The following CSRNP3 variants were observed in gnomAD, a reference collection of about 807,000 sequenced individuals.
CSRNP3 encodes cysteine and serine rich nuclear protein 3.
CSRNP3 carries 12 observed loss-of-function variants against 48.0 expected under a neutral mutation model. That is an observed-to-expected ratio of 0.25 (90% CI 0.16 to 0.41). The LOEUF (loss-of-function observed/expected upper bound fraction) is 0.41. Ranked by LOEUF, CSRNP3 falls within the 10% of genes least tolerant of loss-of-function variation. The probability of loss-of-function intolerance (pLI) is 1.00; values close to 1 mark genes in which losing one functional copy is unlikely to be tolerated. For synonymous variants in CSRNP3, 263 were observed against 269.7 expected (o/e 0.98, Z 0.24); for missense variants, 580 against 724.4 (o/e 0.80, Z 2.29).
At chr2:165,485,357 T>C (rs371002837) in intron 1 of CSRNP3, among the ~76,000 whole-genome samples, 1 of 152,190 alleles carries the variant, frequency 6.6e-6, no homozygotes. Flanking sequence ...AACACCTATA[T>C]AGTGCAACAA....
At chr2:165,548,720 A>G (rs1162804082) in intron 3 of CSRNP3, among the ~76,000 whole-genome samples, 2 of 152,034 alleles carry the variant, frequency 1.3e-5, no homozygotes, top group African/African-American at 2.4e-5. Context: ...AAGAGCAAGT[A>G]CCTAAAATCT....
At chr2:165,580,395 A>T (rs773772486) in intron 3 of CSRNP3, among the ~76,000 whole-genome samples, 2 of 152,206 alleles carry the variant, frequency 1.3e-5, no homozygotes. Flanking sequence ...TTCAGGCTTA[A>T]CAACTATTGT....
rs1377971966 is a variant in CSRNP3, at chr2:165,686,447, C to A, written c.*6694C>A. The A allele has an allele frequency of 6.6e-6, 1 of 151,978 alleles. No individual in the cohort carries two copies. Among genetic ancestry groups the A allele is most frequent in the African/African-American group, 2.4e-5 (1 of 41,408 alleles). 9.4% of individuals were successfully genotyped at this position (151,978 alleles called of 1,614,324 possible). A position where few individuals can be genotyped will look rare whatever the true frequency, so the allele number is the denominator to read the frequency against. On this transcript the variant is annotated 3_prime_UTR_variant, in exon 7 of 7. Coordinates refer to ENST00000651982, the MANE Select transcript of CSRNP3 (RefSeq NM_001172173.2). ...TTTTCCTTAGCCATTAAAAAAGCCACCCCTCTTTAAAACAAATTTAAAGAT... is the reference window on the plus strand; with the variant it reads ...TTTTCCTTAGCCATTAAAAAAGCCAACCCTCTTTAAAACAAATTTAAAGAT...
At position 165,653,665 on chromosome 2, in the gene CSRNP3, A is replaced by T. The variant is rs529817906; in HGVS notation, c.149-4096A>T. On this transcript the variant is annotated intron_variant, in intron 4 of 6. Coordinates refer to ENST00000651982, the MANE Select transcript of CSRNP3 (RefSeq NM_001172173.2). ...TGAGAGTGCCACCAATTGTCTAAAAAGTAAGTACTAAAATTACCAGAGGTG... is the reference window on the plus strand; with the variant it reads ...TGAGAGTGCCACCAATTGTCTAAAATGTAAGTACTAAAATTACCAGAGGTG... 3.3e-5 allele frequency among the ~76,000 whole-genome samples: 5 copies of T among 152,174 alleles called. 1 individual carries two copies. The East Asian group carries it at 9.6e-4, about 29-fold the overall frequency.
At chr2:165,675,559 TGTGTATGTGAGACC>T (rs1224752286) in intron 5 of CSRNP3, among the ~76,000 whole-genome samples, 2 of 152,212 alleles carry the variant, frequency 1.3e-5, no homozygotes, top group Non-Finnish European at 2.9e-5. Context: ...AGACTAATCA[TGTGTATGTGAGACC>T]GTTTCCACAT....
chr2:165,537,628 C>T (rs1442225075), intron 3 of CSRNP3, among the ~76,000 whole-genome samples: 3 of 151,544 alleles, frequency 2.0e-5, no homozygotes, highest in Non-Finnish European at 4.4e-5. Flanking sequence ...AGAGAGCTCA[C>T]AATTTTTTTA....
At chr2:165,516,712 A>T (rs1684587475) in intron 2 of CSRNP3, among the ~76,000 whole-genome samples, 1 of 151,940 alleles carries the variant, frequency 6.6e-6, no homozygotes, top group African/African-American at 2.4e-5. Flanking sequence ...TGACTCAATA[A>T]CCTCTATTAG....
rs1049618968 is a variant in CSRNP3 at position 165,686,146 on chromosome 2, T to C, written c.*6393T>C. On this transcript the variant is annotated 3_prime_UTR_variant, in exon 7 of 7. Transcript: ENST00000651982. ...TCTTGGGATTATCTTAAAAGGTATT[T>C]ATTAATGAGTATTTGGAAGAAAATT... 6.6e-6 allele frequency: 1 copy of C among 152,082 alleles called. No homozygotes were observed. The highest frequency in any genetic ancestry group is 2.4e-5 in the African/African-American group (1 of 41,442). 9.4% of individuals were successfully genotyped at this position (152,082 alleles called of 1,614,324 possible). A position where few individuals can be genotyped will look rare whatever the true frequency, so the allele number is the denominator to read the frequency against.
chr2:165,499,251 G>A (rs10497262), intron 2 of CSRNP3, among the ~76,000 whole-genome samples: 32,752 of 152,114 alleles, frequency 0.22, 3,887 homozygotes, highest in East Asian at 0.35. Flanking sequence ...TTATGACGGT[G>A]ATGATGAAAT....
At chr2:165,656,495 T>C (rs2105345979) in intron 4 of CSRNP3, among the ~76,000 whole-genome samples, 1 of 152,264 alleles carries the variant, frequency 6.6e-6, no homozygotes, top group South Asian at 2.1e-4. Context: ...CATACATATA[T>C]CAAAGCATCA....
In CSRNP3 at chr2:165,660,920, A is replaced by G. The variant is rs1032131879; in HGVS notation, c.408+2900A>G. Among the ~76,000 whole-genome samples, 11 of 152,186 alleles carry G rather than the reference A, an allele frequency of 7.2e-5. No homozygotes were observed. The East Asian group carries it at 1.3e-3, about 19-fold the overall frequency. ...GATAATGACATTTTGAGATGATCCAATCTTAACCTCACTGTGCTTAAAGTA... is the reference window on the plus strand; with the variant it reads ...GATAATGACATTTTGAGATGATCCAGTCTTAACCTCACTGTGCTTAAAGTA... On this transcript the variant is annotated intron_variant, in intron 5 of 6. Transcript: ENST00000651982.
chr2:165,639,003 TTTTG>T (rs898279064), intron 4 of CSRNP3, among the ~76,000 whole-genome samples: 32 of 152,338 alleles, frequency 2.1e-4, no homozygotes, highest in African/African-American at 7.5e-4. Flanking sequence ...CATAATCTTG[TTTTG>T]TTTGTTTCCG....
chr2:165,651,133 A>G (rs1363664191), intron 4 of CSRNP3, among the ~76,000 whole-genome samples: 3 of 152,216 alleles, frequency 2.0e-5, no homozygotes, highest in African/African-American at 7.2e-5. Context: ...CTGGTCTTCA[A>G]TTTTACAGGC....
chr2:165,667,587 C>T (rs926011944), intron 5 of CSRNP3, among the ~76,000 whole-genome samples: 4 of 152,196 alleles, frequency 2.6e-5, no homozygotes, highest in Non-Finnish European at 5.9e-5. Context: ...GGAGATTCTT[C>T]CATAAAACAG....
chr2:165,513,640 A>G (rs1264220700), intron 2 of CSRNP3, among the ~76,000 whole-genome samples: 1 of 152,238 alleles, frequency 6.6e-6, no homozygotes, highest in Non-Finnish European at 1.5e-5. Context: ...TGTGACCTTC[A>G]GTGATCTCAG....
rs1686505590 is a variant in CSRNP3, at chr2:165,630,036, A to G, written c.149-27725A>G. On this transcript the variant is annotated intron_variant, in intron 4 of 6. Coordinates refer to ENST00000651982, the MANE Select transcript of CSRNP3 (RefSeq NM_001172173.2). ...ACTCAGGTGAATTTGATTGTTTAAA[A>G]CAAGCTTTCTTTCAAAGACTCTCAA... 2.0e-5 allele frequency among the ~76,000 whole-genome samples: 3 copies of G among 152,160 alleles called. No individual in the cohort carries two copies. In the South Asian group the frequency reaches 6.2e-4, roughly 32 times the overall value.
chr2:165,524,220 A>G (rs1684702491), intron 3 of CSRNP3, among the ~76,000 whole-genome samples: 1 of 152,334 alleles, frequency 6.6e-6, no homozygotes. Flanking sequence ...TTCAAATAGC[A>G]GGAGGAGGGA....
chr2:165,652,240 G>A (rs567308877), intron 4 of CSRNP3, among the ~76,000 whole-genome samples: 125 of 152,090 alleles, frequency 8.2e-4, no homozygotes, highest in Non-Finnish European at 1.1e-3. Context: ...GGCTGGGCAC[G>A]GTGGCTCACG....
At chr2:165,655,387 A>G (rs1686985882) in intron 4 of CSRNP3, among the ~76,000 whole-genome samples, 1 of 152,230 alleles carries the variant, frequency 6.6e-6, no homozygotes, top group Admixed American at 6.5e-5. Context: ...GTTTCCTAAC[A>G]ATTGGGACAT....
Sources: allele counts gnomAD v4.1 joint callset (sites outside exome capture counted in the v4.1 genomes callset), GRCh38; gene constraint gnomAD v4.1.1; transcripts MANE v1.5; gene names NCBI Gene and HGNC (gene_info 2026-07-23, HGNC 2026-07-21).